The following TMEM164 variants were observed in gnomAD, a reference collection of about 807,000 sequenced individuals.
TMEM164 encodes RP13-360B22.2.
A neutral mutation model predicts 18.8 loss-of-function variants in TMEM164; 4 were observed. The ratio of observed to expected loss-of-function variants is 0.21; its 90% CI spans 0.10 to 0.49. The LOEUF (loss-of-function observed/expected upper bound fraction) is 0.49, where lower values mean the gene tolerates loss of function less well. TMEM164 is among the 20% of genes least tolerant of loss of function. TMEM164 has a pLI of 0.98. For missense variants in TMEM164, 108 were observed against 239.9 expected (o/e 0.45, Z 3.63); for synonymous variants, 86 against 101.7 (o/e 0.85, Z 0.93).
At chrX:110,148,409 G>A (rs922879337) in intron 5 of TMEM164, among the ~76,000 whole-genome samples, 3 of 111,604 alleles carry the variant, frequency 2.7e-5, no homozygotes, top group Non-Finnish European at 5.6e-5. Flanking sequence ...ATTCTGTTCT[G>A]GCCAATAATA....
intron 2 of TMEM164, among the ~76,000 whole-genome samples, chrX:110,026,494 G>T (rs1373816645): frequency 9.0e-6 from 1 of 111,277 alleles, no homozygotes; most frequent in East Asian, 2.8e-4. Context: ...TATCTACCCT[G>T]GAGATGTATT....
chrX:110,063,989 T>A (rs759686047), intron 2 of TMEM164, among the ~76,000 whole-genome samples: 1 of 111,321 alleles, frequency 9.0e-6, no homozygotes, highest in East Asian at 2.9e-4. Context: ...TGCATTGAAC[T>A]GGGAGTTAAG....
chrX:110,071,033 C>CT (rs2065579756), intron 3 of TMEM164, among the ~76,000 whole-genome samples: 1 of 111,336 alleles, frequency 9.0e-6, no homozygotes, highest in Non-Finnish European at 1.9e-5. Flanking sequence ...ACGGGCTACT[C>CT]TTGCCTAAAA....
intron 5 of TMEM164, among the ~76,000 whole-genome samples, chrX:110,153,865 C>A: frequency 9.0e-6 from 1 of 111,477 alleles, no homozygotes; most frequent in East Asian, 2.8e-4. Context: ...CCAGGGAAGC[C>A]AAAAAATTGG....
intron 3 of TMEM164, among the ~76,000 whole-genome samples, chrX:110,087,055 G>A (rs945650697): frequency 1.8e-5 from 2 of 111,885 alleles, no homozygotes; most frequent in Non-Finnish European, 3.8e-5. Flanking sequence ...TGTCAGAAGT[G>A]TTCATATCAG....
At chrX:110,032,664 G>A (rs964204550) in intron 2 of TMEM164, among the ~76,000 whole-genome samples, 2 of 111,617 alleles carry the variant, frequency 1.8e-5, no homozygotes, top group African/African-American at 3.3e-5. Flanking sequence ...GACAGCACTC[G>A]ATAAACTGTA....
At chrX:110,183,964 A>G (rs753378515), downstream of TMEM164, among the ~76,000 whole-genome samples, 3 of 111,803 alleles carry the variant, frequency 2.7e-5, no homozygotes, top group Admixed American at 1.9e-4. Context: ...ATTCTGTGTA[A>G]TACTATAATG....
intron 4 of TMEM164, among the ~76,000 whole-genome samples, chrX:110,116,846 G>A (rs1442383915): frequency 9.5e-6 from 1 of 105,460 alleles, no homozygotes; most frequent in African/African-American, 3.5e-5. Context: ...GTGTGTGTGT[G>A]TGTGTGCGCG....
intron 2 of TMEM164, among the ~76,000 whole-genome samples, chrX:110,034,237 C>T (rs1054585471): frequency 1.8e-5 from 2 of 111,986 alleles, no homozygotes; most frequent in African/African-American, 6.5e-5. Flanking sequence ...CATGTTCTAC[C>T]CTCCTCGGAA....
chrX:110,148,535 G>A (rs2066891301), intron 5 of TMEM164, among the ~76,000 whole-genome samples: 1 of 108,743 alleles, frequency 9.2e-6, no homozygotes, highest in African/African-American at 3.4e-5. Flanking sequence ...TTTTAGACAG[G>A]GTCTCACTGT....
chrX:110,176,144 A>G lies in TMEM164; in HGVS notation c.*2693A>G. On this transcript the variant is annotated 3_prime_UTR_variant, in exon 7 of 7. Coordinates refer to ENST00000372068, the MANE Select transcript of TMEM164 (RefSeq NM_032227.4). Reference sequence around the variant, plus strand: ...TGTGAGGGTGTTTGTAGAAGAGGGCAGTTTCCTTTCAAATGGCCTTAGGAA... The same window carrying G: ...TGTGAGGGTGTTTGTAGAAGAGGGCGGTTTCCTTTCAAATGGCCTTAGGAA... The G allele has an allele frequency of 1.3e-6, 1 of 756,758 alleles. No individual in the cohort carries two copies. Among genetic ancestry groups the G allele is most frequent in the Non-Finnish European group, 1.6e-6 (1 of 639,648 alleles). 62.4% of individuals were successfully genotyped at this position (756,758 alleles called of 1,213,427 possible).
chrX:110,002,885 CT>C (rs1430589394), upstream of TMEM164: 1 of 110,811 alleles, frequency 9.0e-6, no homozygotes, highest in Non-Finnish European at 1.9e-5. Flanking sequence ...CAGGGGCCGG[CT>C]TTAGTCCAGC....
At chrX:110,039,740 A>C (rs971827232) in intron 2 of TMEM164, among the ~76,000 whole-genome samples, 1 of 112,411 alleles carries the variant, frequency 8.9e-6, no homozygotes. Flanking sequence ...TTGATCTTTT[A>C]ATCTTCAGAA....
intron 2 of TMEM164, among the ~76,000 whole-genome samples, chrX:110,046,974 G>C (rs1439490862): frequency 1.8e-5 from 2 of 111,928 alleles, no homozygotes; most frequent in African/African-American, 6.5e-5. Context: ...CAGAACTATT[G>C]AGTCCGGATA....
intron 2 of TMEM164, among the ~76,000 whole-genome samples, chrX:110,015,010 C>G (rs371935001): frequency 9.0e-6 from 1 of 111,261 alleles, no homozygotes; most frequent in Admixed American, 9.5e-5. Context: ...CAGAAAAAAA[C>G]CAATTATTCT....
intron 5 of TMEM164, among the ~76,000 whole-genome samples, chrX:110,157,838 G>A (rs1169712550): frequency 9.0e-6 from 1 of 111,501 alleles, no homozygotes; most frequent in Non-Finnish European, 1.9e-5. Flanking sequence ...TTTCTCATTC[G>A]ATTTTAAGGT....
intron 2 of TMEM164, among the ~76,000 whole-genome samples, chrX:110,016,857 A>G (rs945149516): frequency 1.8e-5 from 2 of 110,799 alleles, no homozygotes; most frequent in Non-Finnish European, 3.8e-5. Context: ...GGGTCTTGCC[A>G]TGTTGCTTAG....
At position 110,112,958 on chromosome X, in the gene TMEM164, A is replaced by G. The variant is rs182086346; in HGVS notation, c.507+3812A>G. Among the ~76,000 whole-genome samples, 113 of 111,134 alleles carry G rather than the reference A, an allele frequency of 1.0e-3. 1 individual carries two copies. The highest frequency in any genetic ancestry group is 7.0e-4 in the Non-Finnish European group (37 of 52,944). On this transcript the variant is annotated intron_variant, in intron 4 of 6. Transcript: ENST00000372068. Reference sequence around the variant, plus strand: ...AACATATGAATTTTGGGGGGACACAATTCAGCTCATAGCACCCATACTACC... The same window carrying G: ...AACATATGAATTTTGGGGGGACACAGTTCAGCTCATAGCACCCATACTACC...
chrX:110,173,095 A>T (rs2067252566), intron 6 of TMEM164, 150 bp from the exon 7 acceptor site: 2 of 539,033 alleles, frequency 3.7e-6, no homozygotes, highest in Non-Finnish European at 3.0e-6. Flanking sequence ...CAGAAAACCG[A>T]GGGGAGAGAA....
Sources: gnomAD v4.1 joint callset for allele counts (sites outside exome capture counted in the v4.1 genomes callset) on GRCh38, gnomAD v4.1.1 for gene constraint, MANE v1.5 for transcripts, NCBI Gene and HGNC (gene_info 2026-07-23, HGNC 2026-07-21) for gene names.